The following COL13A1 variants were observed in gnomAD, a reference collection of about 807,000 sequenced individuals.
COL13A1 encodes the protein collagen type XIII alpha 1 chain.
A neutral mutation model predicts 130.9 loss-of-function variants in COL13A1; 89 were observed. The observed-to-expected ratio is 0.68, with a 90% CI of 0.57 to 0.81. The LOEUF is 0.81. Ranked by LOEUF, COL13A1 falls within the 30% of genes least tolerant of loss-of-function variation. The pLI is 0.00. For missense variants in COL13A1, 879 were observed against 934.6 expected (o/e 0.94, Z 0.78); for synonymous variants, 402 against 341.6 (o/e 1.18, Z -1.95).
intron 2 of COL13A1, among the ~76,000 whole-genome samples, chr10:69,826,182 C>A (rs7091179): frequency 6.6e-6 from 1 of 152,172 alleles, no homozygotes; most frequent in South Asian, 2.1e-4. Context: ...GTCTAGCCAG[C>A]GAGGAAACAG....
rs189300580 is a variant in COL13A1, at chr10:69,851,990, A to T, written c.365-15808A>T. ...TTAGTTTAATGGCCACAGGTGGCTG[A>T]CAGCTGCTGTAATAGACATCACAGC... On this transcript the variant is annotated intron_variant, in intron 2 of 40. Transcript: ENST00000645393. Among the ~76,000 whole-genome samples the T allele has an allele frequency of 3.8e-4, 58 of 152,306 alleles. 1 individual carries two copies. In the East Asian group the frequency reaches 9.5e-3, roughly 25 times the overall value.
chr10:69,905,003 C>G (rs759660309), intron 16 of COL13A1, 44 bp downstream of exon 16: 8 of 1,549,076 alleles, frequency 5.2e-6, no homozygotes, highest in African/African-American at 1.4e-5. Flanking sequence ...TGGGAGAATT[C>G]CCTGCAGGAG....
intron 1 of COL13A1, among the ~76,000 whole-genome samples, chr10:69,807,808 C>T (rs1160389123): frequency 1.3e-5 from 2 of 152,148 alleles, no homozygotes; most frequent in Non-Finnish European, 2.9e-5. Flanking sequence ...GGCATCTCTC[C>T]TTCACCACAC....
chr10:69,879,254 G>C (rs1049681709), intron 6 of COL13A1: 1 of 152,250 alleles, frequency 6.6e-6, no homozygotes, highest in Non-Finnish European at 1.5e-5. Context: ...GAACTAGACT[G>C]TCAGCTCCAC....
intron 33 of COL13A1, 34 bp from the exon 34 acceptor site, chr10:69,937,600 CT>C: frequency 2.1e-6 from 2 of 975,306 alleles, no homozygotes; most frequent in Non-Finnish European, 3.3e-6. Flanking sequence ...GGGACATGTC[CT>C]TGTGTGATCT....
intron 2 of COL13A1, among the ~76,000 whole-genome samples, chr10:69,866,372 T>C (rs2058518893): frequency 6.6e-6 from 1 of 152,182 alleles, no homozygotes; most frequent in African/African-American, 2.4e-5. Context: ...CTGCCCTCCA[T>C]GTGGCTGAAG....
intron 30 of COL13A1, 37 bp downstream of exon 30, chr10:69,930,589 C>A (rs543258686): frequency 6.3e-7 from 1 of 1,597,584 alleles, no homozygotes; most frequent in Non-Finnish European, 8.5e-7. Context: ...CGTGCATACA[C>A]CACTCCCAAG....
intron 2 of COL13A1, among the ~76,000 whole-genome samples, chr10:69,824,680 G>A (rs1007544491): frequency 3.9e-5 from 6 of 152,186 alleles, no homozygotes; most frequent in Non-Finnish European, 8.8e-5. Context: ...GGTCCTCTGC[G>A]GGGAAGGGAC....
chr10:69,924,327 T>C (rs1203861055), intron 24 of COL13A1, among the ~76,000 whole-genome samples: 1 of 152,192 alleles, frequency 6.6e-6, no homozygotes, highest in Non-Finnish European at 1.5e-5. Context: ...CAATTGTCTT[T>C]ATCCCAGAAA....
intron 6 of COL13A1, 148 bp from the exon 7 acceptor site, chr10:69,880,354 TC>T (rs2060004688): frequency 1.4e-6 from 1 of 701,208 alleles, no homozygotes; most frequent in East Asian, 2.7e-5. Flanking sequence ...GCCCTCCACG[TC>T]CCCTGGCATC....
chr10:69,888,683 G>A (rs996139506), intron 9 of COL13A1, among the ~76,000 whole-genome samples: 2 of 152,108 alleles, frequency 1.3e-5, no homozygotes, highest in South Asian at 2.1e-4. Flanking sequence ...TCATGCACAC[G>A]CTTGCCCCTG....
chr10:69,904,013 G>A (rs987349140), intron 15 of COL13A1, among the ~76,000 whole-genome samples: 5 of 152,188 alleles, frequency 3.3e-5, no homozygotes, highest in Admixed American at 6.5e-5. Flanking sequence ...AATGACCCCT[G>A]CAATGCTTGA....
intron 2 of COL13A1, among the ~76,000 whole-genome samples, chr10:69,855,467 C>T (rs777943839): frequency 6.6e-6 from 1 of 151,956 alleles, no homozygotes; most frequent in African/African-American, 2.4e-5. Context: ...CATATTATAA[C>T]GAACTAATAA....
chr10:69,877,654 C>G (rs1035958969), intron 5 of COL13A1: 1 of 197,684 alleles, frequency 5.1e-6, no homozygotes, highest in Non-Finnish European at 1.0e-5. Context: ...CATTGTCTGG[C>G]TTTCTCTCTC....
intron 13 of COL13A1, among the ~76,000 whole-genome samples, chr10:69,896,727 G>A (rs557348817): frequency 6.6e-6 from 1 of 152,338 alleles, no homozygotes; most frequent in African/African-American, 2.4e-5. Flanking sequence ...TGGTACGTGA[G>A]AGGCTGGGAT....
chr10:69,837,427 G>A (rs1487363805), intron 2 of COL13A1, among the ~76,000 whole-genome samples: 1 of 152,220 alleles, frequency 6.6e-6, no homozygotes, highest in Non-Finnish European at 1.5e-5. Context: ...CTACAGCCAA[G>A]CTGGGCACCT....
intron 2 of COL13A1, among the ~76,000 whole-genome samples, chr10:69,836,774 G>A (rs1850181905): frequency 6.6e-6 from 1 of 152,218 alleles, no homozygotes; most frequent in Admixed American, 6.5e-5. Context: ...GCCTCCTGGA[G>A]CTAGAATGAG....
intron 2 of COL13A1, among the ~76,000 whole-genome samples, chr10:69,856,037 G>A (rs772373164): frequency 2.0e-5 from 3 of 152,224 alleles, no homozygotes; most frequent in Non-Finnish European, 4.4e-5. Context: ...CTGTGGAATT[G>A]GAGCAGTTCA....
At chr10:69,922,599 G>C in intron 22 of COL13A1, 109 bp from the exon 23 acceptor site, 1 of 621,496 alleles carries the variant, frequency 1.6e-6, no homozygotes, top group Non-Finnish European at 2.6e-6. Flanking sequence ...GGATTCTGAA[G>C]GCCCCTGGTC....
Sources: allele counts gnomAD v4.1 joint callset (sites outside exome capture counted in the v4.1 genomes callset), GRCh38; gene constraint gnomAD v4.1.1; transcripts MANE v1.5; gene names NCBI Gene and HGNC (gene_info 2026-07-23, HGNC 2026-07-21).